Variants in LRP1B observed in about 807,000 individuals in gnomAD.
LRP1B encodes low-density lipoprotein receptor-related protein 1B.
In LRP1B, 217 loss-of-function variants were observed where a neutral mutation model predicts 556.6. That is an observed-to-expected ratio of 0.39 (90% confidence interval 0.35 to 0.44). LRP1B has a LOEUF of 0.44. Ranked by LOEUF, LRP1B falls within the 20% of genes least tolerant of loss-of-function variation. LRP1B has a pLI of 1.00. For missense variants in LRP1B, 5,053 were observed against 5,620.8 expected (o/e 0.90, Z 3.23); for synonymous variants, 2,047 against 1,865.8 (o/e 1.10, Z -2.50).
At position 141,157,639 on chromosome 2, in the gene LRP1B, A is replaced by G. The variant is rs541629043; in HGVS notation, c.1013+30782T>C. Among the ~76,000 whole-genome samples the G allele has an allele frequency of 9.2e-5, 14 of 152,258 alleles. 1 individual carries two copies. Among genetic ancestry groups the G allele is most frequent in the Admixed American group, 6.5e-4 (10 of 15,282 alleles). Reference sequence around the variant, plus strand: ...CCTATCATGGATAGGATCTTAGTCAACAGGGAGCTGACAAATCTTTGTGCA... The same window carrying G: ...CCTATCATGGATAGGATCTTAGTCAGCAGGGAGCTGACAAATCTTTGTGCA... On this transcript the variant is annotated intron_variant, in intron 7 of 90. Coordinates refer to ENST00000389484, the MANE Select transcript of LRP1B (RefSeq NM_018557.3).
chr2:140,265,318 T>C (rs1367396258), intron 86 of LRP1B, among the ~76,000 whole-genome samples: 1 of 152,136 alleles, frequency 6.6e-6, no homozygotes, highest in African/African-American at 2.4e-5. Context: ...TTATTCAATG[T>C]ATCTACTTTA....
intron 84 of LRP1B, among the ~76,000 whole-genome samples, chr2:140,278,491 G>A (rs1682782325): frequency 6.6e-6 from 1 of 151,848 alleles, no homozygotes; most frequent in African/African-American, 2.4e-5. Flanking sequence ...CTTTTAAAAG[G>A]AATTCATGGT....
intron 7 of LRP1B, among the ~76,000 whole-genome samples, chr2:141,127,629 C>G (rs752524772): frequency 6.6e-6 from 1 of 152,156 alleles, no homozygotes; most frequent in Non-Finnish European, 1.5e-5. Context: ...TACATCTCCT[C>G]CTCTGCACAC....
At chr2:140,788,215 TG>T (rs752104356) in intron 32 of LRP1B, among the ~76,000 whole-genome samples, 50 of 152,144 alleles carry the variant, frequency 3.3e-4, no homozygotes, top group Non-Finnish European at 1.0e-4. Flanking sequence ...AACAAATGAA[TG>T]AGTCAACAAC....
intron 16 of LRP1B, among the ~76,000 whole-genome samples, chr2:140,991,232 A>G (rs540954045): frequency 6.6e-6 from 1 of 152,298 alleles, no homozygotes; most frequent in South Asian, 2.1e-4. Context: ...GTGAGGCTTA[A>G]TCAAGGACTT....
At chr2:141,872,672 C>T (rs1480926682) in intron 1 of LRP1B, among the ~76,000 whole-genome samples, 2 of 151,458 alleles carry the variant, frequency 1.3e-5, no homozygotes, top group Non-Finnish European at 3.0e-5. Flanking sequence ...CAGGTCATAT[C>T]CCAATAAAAC....
chr2:140,645,127 C>T (rs494335), intron 41 of LRP1B, among the ~76,000 whole-genome samples: 12,441 of 152,018 alleles, frequency 0.082, 659 homozygotes, highest in East Asian at 0.18. Context: ...AGCCTTTTTT[C>T]GGTCTAATTT....
intron 6 of LRP1B, among the ~76,000 whole-genome samples, chr2:141,193,263 T>C (rs189522427): frequency 6.6e-6 from 1 of 152,044 alleles, no homozygotes; most frequent in Admixed American, 6.6e-5. Context: ...AATCATTCTA[T>C]GATAAAGACA....
chr2:142,007,750 C>T (rs573693476), intron 1 of LRP1B, among the ~76,000 whole-genome samples: 36 of 152,232 alleles, frequency 2.4e-4, no homozygotes, highest in African/African-American at 5.5e-4. Flanking sequence ...AATAAATAGA[C>T]GGTAGGACTC....
intron 41 of LRP1B, among the ~76,000 whole-genome samples, chr2:140,678,378 T>C (rs1307389023): frequency 6.6e-6 from 1 of 152,188 alleles, no homozygotes; most frequent in Non-Finnish European, 1.5e-5. Flanking sequence ...AGATATTTGT[T>C]AGAAAGATTC....
chr2:141,736,847 T>C (rs1693486789), intron 2 of LRP1B, among the ~76,000 whole-genome samples: 1 of 152,098 alleles, frequency 6.6e-6, no homozygotes, highest in South Asian at 2.1e-4. Flanking sequence ...CTTGCAATTA[T>C]CATAAGAAGG....
chr2:141,026,839 C>T (rs1159921583), intron 11 of LRP1B, among the ~76,000 whole-genome samples: 2 of 151,972 alleles, frequency 1.3e-5, no homozygotes, highest in African/African-American at 4.8e-5. Flanking sequence ...ATTCAGTATG[C>T]TAGGAATAAA....
chr2:142,009,584 T>G (rs1032794191), intron 1 of LRP1B, among the ~76,000 whole-genome samples: 1 of 152,144 alleles, frequency 6.6e-6, no homozygotes, highest in African/African-American at 2.4e-5. Flanking sequence ...AAAAAGAGTG[T>G]CCATAATAAA....
At chr2:140,639,997 T>TTTTG (rs755822626) in intron 41 of LRP1B, among the ~76,000 whole-genome samples, 6 of 152,236 alleles carry the variant, frequency 3.9e-5, no homozygotes, top group South Asian at 2.1e-4. Context: ...CTACATTGTT[T>TTTTG]TTTGTTTGTT....
chr2:141,736,526 C>T (rs1693473241), intron 2 of LRP1B, among the ~76,000 whole-genome samples: 1 of 152,002 alleles, frequency 6.6e-6, no homozygotes, highest in Admixed American at 6.6e-5. Context: ...AAGCTAGTGG[C>T]CGAGACTCAA....
rs1040033094 is a variant in LRP1B at position 141,106,596 on chromosome 2, T to C, written c.1014-44323A>G. ...CTCAATTATGCAAACCTTGCTTACATTAAGACATCAAAATGTCTACAAATG... is the reference window on the plus strand; with the variant it reads ...CTCAATTATGCAAACCTTGCTTACACTAAGACATCAAAATGTCTACAAATG... On this transcript the variant is annotated intron_variant, in intron 7 of 90. Transcript: ENST00000389484. Among the ~76,000 whole-genome samples the C allele has an allele frequency of 2.6e-5, 4 of 152,270 alleles. No individual in the cohort carries two copies. In the East Asian group the frequency reaches 7.7e-4, roughly 29 times the overall value.
At chr2:142,123,367 G>A (rs182520520) in intron 1 of LRP1B, among the ~76,000 whole-genome samples, 7 of 152,146 alleles carry the variant, frequency 4.6e-5, no homozygotes, top group Admixed American at 4.6e-4. Context: ...CTTGAAGGAT[G>A]TCAATGCAAT....
At position 141,254,645 on chromosome 2, in the gene LRP1B, TAGA is replaced by T. The variant is rs757142883; in HGVS notation, c.344-7_344-5del. On this transcript the variant is annotated splice_polypyrimidine_tract_variant and splice_region_variant and intron_variant, in intron 3 of 90. Coordinates refer to ENST00000389484, the MANE Select transcript of LRP1B (RefSeq NM_018557.3). ...TGTTGGCAATTGGATAACAGTTCTGTAGAGAAAAAACAAATATATTCTCTATAT... is the reference window on the plus strand; with the variant it reads ...TGTTGGCAATTGGATAACAGTTCTGTGAAAAAACAAATATATTCTCTATAT... 6.2e-6 allele frequency: 10 copies of T among 1,602,946 alleles called. No homozygotes were observed. In the Admixed American group the frequency reaches 1.7e-4, roughly 27 times the overall value.
At chr2:141,635,752 C>A (rs1435029191) in intron 2 of LRP1B, among the ~76,000 whole-genome samples, 2 of 152,144 alleles carry the variant, frequency 1.3e-5, no homozygotes, top group African/African-American at 4.8e-5. Context: ...CGTGGATTTT[C>A]ATGGAAAGAG....
Sources: allele counts gnomAD v4.1 joint callset (sites outside exome capture counted in the v4.1 genomes callset), GRCh38; gene constraint gnomAD v4.1.1; transcripts MANE v1.5; gene names NCBI Gene and HGNC (gene_info 2026-07-23, HGNC 2026-07-21).